Variants in TTC28 observed in about 807,000 individuals in gnomAD.
TTC28 encodes the protein tetratricopeptide repeat protein 28.
A neutral mutation model predicts 198.0 loss-of-function variants in TTC28; 61 were observed. That is an observed-to-expected ratio of 0.31 (90% CI 0.25 to 0.38). The LOEUF is 0.38. TTC28 is among the 10% of genes least tolerant of loss of function. The probability of loss-of-function intolerance (pLI) is 1.00; values close to 1 mark genes in which losing one functional copy is unlikely to be tolerated. For synonymous variants in TTC28, 1,171 were observed against 1,297.8 expected, an observed-to-expected ratio of 0.90 and a Z score of 2.10; for missense variants, 2,678 against 3,164.0, an observed-to-expected ratio of 0.85 and a Z score of 3.69.
intron 17 of TTC28, among the ~76,000 whole-genome samples, chr22:27,994,866 C>T (rs76542659): frequency 0.014 from 2,093 of 152,220 alleles, 65 homozygotes; most frequent in African/African-American, 0.049. Flanking sequence ...GACGGAGGGA[C>T]TTCGGGGGTG....
At chr22:28,294,512 A>G (rs1295331153) in intron 5 of TTC28, among the ~76,000 whole-genome samples, 1 of 152,076 alleles carries the variant, frequency 6.6e-6, no homozygotes, top group Non-Finnish European at 1.5e-5. Flanking sequence ...TAATTGGGCT[A>G]ATACATACAC....
chr22:28,255,037 A>G (rs535231817), intron 5 of TTC28, among the ~76,000 whole-genome samples: 1 of 152,330 alleles, frequency 6.6e-6, no homozygotes, highest in East Asian at 1.9e-4. Flanking sequence ...AGGATCTCAA[A>G]CCACAAAATA....
intron 2 of TTC28, among the ~76,000 whole-genome samples, chr22:28,607,925 C>G (rs1461832862): frequency 6.6e-6 from 1 of 152,198 alleles, no homozygotes; most frequent in East Asian, 1.9e-4. Context: ...ATTTCCCTCA[C>G]AGTGGTTGTT....
At chr22:28,637,239 C>T (rs912904623) in intron 1 of TTC28, among the ~76,000 whole-genome samples, 16 of 151,984 alleles carry the variant, frequency 1.1e-4, no homozygotes, top group African/African-American at 3.6e-4. Context: ...CTCGATCTCC[C>T]GACCCCAGGT....
intron 1 of TTC28, among the ~76,000 whole-genome samples, chr22:28,660,077 G>C (rs2051718424): frequency 6.6e-6 from 1 of 152,052 alleles, no homozygotes; most frequent in African/African-American, 2.4e-5. Flanking sequence ...TTACATGTGT[G>C]AGCCACCACA....
chr22:28,359,075 A>C (rs1040913783), intron 2 of TTC28, among the ~76,000 whole-genome samples: 5 of 152,212 alleles, frequency 3.3e-5, no homozygotes, highest in African/African-American at 1.2e-4. Context: ...ATGAGATTAC[A>C]TCATTAATAA....
chr22:28,363,529 C>T (rs577684876), intron 2 of TTC28, among the ~76,000 whole-genome samples: 42 of 152,218 alleles, frequency 2.8e-4, no homozygotes, highest in Admixed American at 3.3e-4. Flanking sequence ...ACTGGGGCAC[C>T]GCCTAGTGGA....
At chr22:28,397,929 C>T (rs553442602) in intron 2 of TTC28, among the ~76,000 whole-genome samples, 6 of 152,258 alleles carry the variant, frequency 3.9e-5, no homozygotes, top group South Asian at 2.1e-4. Flanking sequence ...CTCCAGTAGC[C>T]GCATAGTAAG....
intron 12 of TTC28, among the ~76,000 whole-genome samples, chr22:28,074,138 G>A (rs1451071207): frequency 6.6e-6 from 1 of 152,068 alleles, no homozygotes; most frequent in Non-Finnish European, 1.5e-5. Context: ...ATATACTAGG[G>A]TTATTTTCCT....
chr22:28,519,276 A>T (rs2048852117), intron 2 of TTC28, among the ~76,000 whole-genome samples: 1 of 152,184 alleles, frequency 6.6e-6, no homozygotes, highest in Admixed American at 6.5e-5. Context: ...CAAAGGTCTT[A>T]TTTCTCTTCT....
chr22:28,014,532 C>T (rs1344245829), intron 13 of TTC28, 140 bp from the exon 14 acceptor site: 3 of 956,920 alleles, frequency 3.1e-6, no homozygotes, highest in African/African-American at 3.3e-5. Flanking sequence ...CTCCCAGCTC[C>T]GTTCCCTTCT....
At chr22:28,309,069 T>G (rs577725841) in intron 2 of TTC28, among the ~76,000 whole-genome samples, 1 of 152,184 alleles carries the variant, frequency 6.6e-6, no homozygotes, top group African/African-American at 2.4e-5. Context: ...AAGCTGATGA[T>G]AAAACCTAGA....
chr22:28,501,385 T>A (rs1157642056), intron 2 of TTC28, among the ~76,000 whole-genome samples: 2 of 152,058 alleles, frequency 1.3e-5, no homozygotes, highest in African/African-American at 4.8e-5. Context: ...TAGAAAATGG[T>A]ATGACGTGTG....
chr22:27,982,040 TG>T lies in TTC28; in HGVS notation c.*180del. 1 of 548,160 alleles carries T rather than the reference TG, an allele frequency of 1.8e-6. No individual in the cohort carries two copies. The highest frequency in any genetic ancestry group is 3.0e-6 in the Non-Finnish European group (1 of 329,976). The allele number at this position is 548,160 out of a possible 1,614,324, so 34.0% of individuals were successfully genotyped here. On this transcript the variant is annotated 3_prime_UTR_variant, in exon 23 of 23. Coordinates refer to ENST00000397906, the MANE Select transcript of TTC28 (RefSeq NM_001145418.2). This position sits in a 1 kb window ranked among gnomAD's most constrained non-coding sequence, Gnocchi z 5.2. The stretch of plus-strand genomic sequence containing the variant: ...CAGAAGTCCTGGCTTTTGGTGAATG[TG>T]GCCCAGAAAAGCCACCAGTGTGTGT...
chr22:28,119,835 GT>G (rs1217673862), intron 6 of TTC28, among the ~76,000 whole-genome samples: 1 of 152,226 alleles, frequency 6.6e-6, no homozygotes, highest in Non-Finnish European at 1.5e-5. Context: ...AGCTGAAGTT[GT>G]TAAAATAAAT....
chr22:28,169,778 AC>A (rs1167290710), intron 5 of TTC28, among the ~76,000 whole-genome samples: 1 of 152,082 alleles, frequency 6.6e-6, no homozygotes, highest in Non-Finnish European at 1.5e-5. Flanking sequence ...TATGTAAGGA[AC>A]CTGCACATTG....
chr22:28,081,703 G>A (rs1377955847), intron 12 of TTC28, among the ~76,000 whole-genome samples: 8 of 152,032 alleles, frequency 5.3e-5, no homozygotes, highest in Non-Finnish European at 8.8e-5. Flanking sequence ...TGTTGGCCAG[G>A]CTGGTCTCAA....
chr22:28,148,853 C>A (rs1943539730), intron 6 of TTC28, among the ~76,000 whole-genome samples: 1 of 151,968 alleles, frequency 6.6e-6, no homozygotes, highest in African/African-American at 2.4e-5. Flanking sequence ...AGTAGTAAGG[C>A]ACAAATAGAT....
chr22:28,153,304 T>C (rs5997341), intron 6 of TTC28, among the ~76,000 whole-genome samples: 4 of 149,588 alleles, frequency 2.7e-5, no homozygotes, highest in African/African-American at 9.9e-5. Context: ...ACTCCCAGGA[T>C]GGTTTGAAAA....
Sources: allele counts gnomAD v4.1 joint callset (sites outside exome capture counted in the v4.1 genomes callset), GRCh38; gene constraint gnomAD v4.1.1; non-coding constraint Gnocchi (gnomAD v3.1); transcripts MANE v1.5; gene names NCBI Gene and HGNC (gene_info 2026-07-23, HGNC 2026-07-21).